Variants in FIP1L1 observed in about 807,000 individuals in gnomAD.
FIP1L1 encodes the protein pre-mRNA 3'-end-processing factor FIP1.
A neutral mutation model predicts 84.6 loss-of-function variants in FIP1L1; 21 were observed. The observed-to-expected ratio is 0.25, with a 90% confidence interval of 0.18 to 0.36. FIP1L1 has a LOEUF of 0.36. Ranked by LOEUF, FIP1L1 falls within the 10% of genes least tolerant of loss-of-function variation. FIP1L1 has a pLI of 1.00. For synonymous variants in FIP1L1, 263 were observed against 242.3 expected (o/e 1.09, Z -0.80); for missense variants, 526 against 751.1 (o/e 0.70, Z 3.50).
rs1405012763 is a variant in FIP1L1 at position 53,442,635 on chromosome 4, T to C, written c.1175-18T>C. 1.3e-6 allele frequency: 2 copies of C among 1,572,360 alleles called. No homozygotes were observed. Among genetic ancestry groups the C allele is most frequent in the Non-Finnish European group, 1.7e-6 (2 of 1,142,876 alleles). ...TGTACATTGTTAACATTTTTTATCT[T>C]ATGATTGAATGTTTCAGGTTTTCCT... On this transcript the variant is annotated intron_variant, in intron 13 of 17. Coordinates refer to ENST00000337488, the MANE Select transcript of FIP1L1 (RefSeq NM_030917.4).
intron 13 of FIP1L1, among the ~76,000 whole-genome samples, chr4:53,431,836 T>G (rs1410542844): frequency 1.3e-5 from 2 of 152,202 alleles, no homozygotes; most frequent in Non-Finnish European, 1.5e-5. Context: ...GTGTTAGAGA[T>G]AACTCTCATT....
chr4:53,380,978 A>G (rs1737552355), intron 3 of FIP1L1, among the ~76,000 whole-genome samples: 1 of 152,186 alleles, frequency 6.6e-6, no homozygotes, highest in Non-Finnish European at 1.5e-5. Context: ...TAATTCCGCA[A>G]TACACAACTT....
chr4:53,429,308 A>G (rs1387372684), intron 13 of FIP1L1, among the ~76,000 whole-genome samples: 1 of 152,224 alleles, frequency 6.6e-6, no homozygotes, highest in Non-Finnish European at 1.5e-5. Flanking sequence ...CTTATTCCAG[A>G]CAACATTAGT....
In FIP1L1 at chr4:53,442,808, C is replaced by T. The variant is rs1290893156; in HGVS notation, c.1229+101C>T. On this transcript the variant is annotated intron_variant, in intron 14 of 17. Coordinates refer to ENST00000337488, the MANE Select transcript of FIP1L1 (RefSeq NM_030917.4). ...CAGATATTTAATTTTATAAACACAG[C>T]ACCTGTCTTTTAATTTATAAATCTA... 8 of 644,434 alleles carry T rather than the reference C, an allele frequency of 1.2e-5. No homozygotes were observed. The Admixed American group carries it at 2.3e-4, about 19-fold the overall frequency. The allele number at this position is 644,434 out of a possible 1,614,324, so 39.9% of individuals were successfully genotyped here.
At chr4:53,443,822 T>C (rs1040766936) in intron 14 of FIP1L1, among the ~76,000 whole-genome samples, 1 of 152,140 alleles carries the variant, frequency 6.6e-6, no homozygotes, top group Non-Finnish European at 1.5e-5. Context: ...TTATTTATGT[T>C]AAATAGTATT....
chr4:53,411,641 A>G (rs1430902086), intron 10 of FIP1L1, among the ~76,000 whole-genome samples: 1 of 152,192 alleles, frequency 6.6e-6, no homozygotes, highest in Non-Finnish European at 1.5e-5. Flanking sequence ...CTACTGACCT[A>G]AGCACTGTAT....
intron 17 of FIP1L1, 28 bp from the exon 18 acceptor site, chr4:53,459,274 C>T: frequency 1.7e-6 from 2 of 1,197,782 alleles, no homozygotes; most frequent in Non-Finnish European, 1.2e-6. Context: ...AAACAGAACA[C>T]ACCTTTTTTT....
chr4:53,384,364 G>A (rs1158054846), intron 5 of FIP1L1, among the ~76,000 whole-genome samples: 3 of 151,722 alleles, frequency 2.0e-5, no homozygotes, highest in African/African-American at 7.3e-5. Context: ...AACCCAGATC[G>A]AGCCACTGTA....
At chr4:53,439,457 ATC>A (rs1380302207) in intron 13 of FIP1L1, among the ~76,000 whole-genome samples, 1 of 152,048 alleles carries the variant, frequency 6.6e-6, no homozygotes. Context: ...TTTAATCTAA[ATC>A]TCTTACTCTG....
At chr4:53,446,085 G>C (rs532437127) in intron 15 of FIP1L1, among the ~76,000 whole-genome samples, 64 of 152,126 alleles carry the variant, frequency 4.2e-4, no homozygotes, top group Non-Finnish European at 7.2e-4. Flanking sequence ...TCAGGGTATC[G>C]TACTGTCCTT....
intron 2 of FIP1L1, 33 bp downstream of exon 2, chr4:53,379,150 A>G: frequency 1.9e-6 from 3 of 1,612,238 alleles, no homozygotes; most frequent in South Asian, 2.2e-5. Context: ...TCAGATTTTC[A>G]TAATACTAGT....
intron 13 of FIP1L1, among the ~76,000 whole-genome samples, chr4:53,431,058 C>G (rs1435694236): frequency 6.6e-6 from 1 of 152,208 alleles, no homozygotes; most frequent in East Asian, 1.9e-4. Flanking sequence ...CAGTTTTAGT[C>G]AAGTGGTCTT....
intron 5 of FIP1L1, among the ~76,000 whole-genome samples, chr4:53,386,823 TTC>T (rs1280800322): frequency 1.3e-5 from 2 of 152,206 alleles, no homozygotes; most frequent in African/African-American, 4.8e-5. Context: ...GCTGTTGTTG[TTC>T]TGTTTTGCTT....
intron 13 of FIP1L1, among the ~76,000 whole-genome samples, chr4:53,438,591 A>C (rs1770518558): frequency 6.6e-6 from 1 of 152,148 alleles, no homozygotes; most frequent in Admixed American, 6.5e-5. Context: ...ATGTGTAGGT[A>C]TTGATTGGAA....
At chr4:53,440,030 G>T (rs1175217775) in intron 13 of FIP1L1, among the ~76,000 whole-genome samples, 1 of 151,854 alleles carries the variant, frequency 6.6e-6, no homozygotes, top group Non-Finnish European at 1.5e-5. Context: ...ATATGAATTG[G>T]TTTTTCCCCC....
rs868125601 is a variant in FIP1L1 at position 53,393,763 on chromosome 4, G to A, written c.705+2265G>A. Among the ~76,000 whole-genome samples the A allele has an allele frequency of 6.8e-4, 4 of 5,842 alleles. 1 individual carries two copies. The highest frequency in any genetic ancestry group is 1.4e-3 in the Non-Finnish European group (4 of 2,882). The allele number at this position is 5,842 out of a possible 152,430, so 3.8% of individuals were successfully genotyped here. A position where few individuals can be genotyped will look rare whatever the true frequency, so the allele number is the denominator to read the frequency against. On this transcript the variant is annotated intron_variant, in intron 9 of 17. Transcript: ENST00000337488. ...GCACATATGCATAGATTTTCCCCCC[G>A]GCCCCCCCCCCCCCCCCCGCCCCCG...
At chr4:53,402,334 G>A (rs896322457) in intron 10 of FIP1L1, among the ~76,000 whole-genome samples, 5 of 146,778 alleles carry the variant, frequency 3.4e-5, no homozygotes, top group Non-Finnish European at 5.9e-5. Context: ...TCTTTCTGTG[G>A]GGGCCAGAGA....
chr4:53,394,950 A>G (rs1746439986), intron 9 of FIP1L1, among the ~76,000 whole-genome samples: 3 of 152,078 alleles, frequency 2.0e-5, no homozygotes, highest in Non-Finnish European at 4.4e-5. Flanking sequence ...TTTCAAAAAT[A>G]TTTTTCAAAC....
chr4:53,398,040 A>G (rs1748335073), intron 9 of FIP1L1, among the ~76,000 whole-genome samples: 1 of 152,176 alleles, frequency 6.6e-6, no homozygotes, highest in Non-Finnish European at 1.5e-5. Context: ...TTGTGTTATT[A>G]TAACATCTTT....
Sources: allele counts gnomAD v4.1 joint callset (sites outside exome capture counted in the v4.1 genomes callset), GRCh38; gene constraint gnomAD v4.1.1; transcripts MANE v1.5; gene names NCBI Gene and HGNC (gene_info 2026-07-23, HGNC 2026-07-21).